The following ANKRD26 variants were observed in gnomAD, a reference collection of about 807,000 sequenced individuals.
ANKRD26 encodes the protein ankyrin repeat domain-containing protein 26.
In ANKRD26, 141 loss-of-function variants were observed where a neutral mutation model predicts 208.7. The ratio of observed to expected loss-of-function variants is 0.68; its 90% confidence interval spans 0.59 to 0.78. ANKRD26 has a LOEUF of 0.78. Among genes scored for constraint, ANKRD26 ranks in the 30% least tolerant of loss-of-function variants. The probability of loss-of-function intolerance (pLI) is 0.00; values close to 1 mark genes in which losing one functional copy is unlikely to be tolerated. For missense variants in ANKRD26, 1,889 were observed against 1,938.7 expected (o/e 0.97, Z 0.48); for synonymous variants, 636 against 660.4 (o/e 0.96, Z 0.57).
chr10:26,983,965 T>C (rs938544037), intron 3 of ANKRD26, among the ~76,000 whole-genome samples: 33 of 152,200 alleles, frequency 2.2e-4, no homozygotes, highest in African/African-American at 7.7e-4. Context: ...ATGGTTGGCA[T>C]ATTCAGCAGG....
At position 27,018,101 on chromosome 10, in the gene ANKRD26, G is replaced by A. The variant is rs566994822; in HGVS notation, c.4216-309C>T. 2.0e-5 allele frequency among the ~76,000 whole-genome samples: 3 copies of A among 146,568 alleles called. No homozygotes were observed. The South Asian group carries it at 6.6e-4, about 32-fold the overall frequency. ...CCTCCTTAAATGGCTCTAAGGGGTA[G>A]CAGAAAGTCTTACTACTTCCCCCAT... On this transcript the variant is annotated intron_variant, in intron 29 of 33. Coordinates refer to ENST00000376087, the MANE Select transcript of ANKRD26 (RefSeq NM_014915.3).
Position 27,060,771 on chromosome 10 carries a change from A to G in ANKRD26, c.1463-231T>C, listed in dbSNP as rs77771171. Among the ~76,000 whole-genome samples the G allele has an allele frequency of 0.081, 12,261 of 152,282 alleles. 579 individuals are homozygous for G. The highest frequency in any genetic ancestry group is 0.13 in the African/African-American group (5,470 of 41,542). On this transcript the variant is annotated intron_variant, in intron 13 of 33. Transcript: ENST00000376087. ...CATGCAGTTATGATTTGAATGTAAG[A>G]TTATGTTCCAAGTGACTATAACTAA... is the stretch of plus-strand genomic sequence containing the variant.
chr10:26,965,275 A>G, the ANKRD26 span, among the ~76,000 whole-genome samples: 1 of 152,190 alleles, frequency 6.6e-6, no homozygotes, highest in Non-Finnish European at 1.5e-5. Context: ...TACTGGTACC[A>G]AAACAGAGAT....
chr10:27,046,483 C>G lies in ANKRD26; in HGVS notation c.1855G>C (p.Glu619Gln). 6.2e-7 allele frequency: 1 copy of G among 1,613,960 alleles called. No individual in the cohort carries two copies. The highest frequency in any genetic ancestry group is 8.5e-7 in the Non-Finnish European group (1 of 1,179,984). ...TCTTTCGAGGTCCGTTTTTCTTTTT[C>G]AGTGCTCTTTACTTCCTTCATTTGC... is the stretch of plus-strand genomic sequence containing the variant. The part of the protein sequence containing the change: ...ALQMKEVKST[E>Q]KEKRTSKESV... The change falls in exon 18 of 34, where the codon GAA (glutamate) becomes CAA (glutamine). Residue 619 changes from glutamate to glutamine, a missense_variant. Physicochemically the swap from Glu to Gln is conservative, Grantham distance 29. Transcript: ENST00000376087.
At chr10:27,021,549 G>A (rs1310416627) in intron 29 of ANKRD26, among the ~76,000 whole-genome samples, 1 of 152,106 alleles carries the variant, frequency 6.6e-6, no homozygotes, top group Non-Finnish European at 1.5e-5. Flanking sequence ...GTGATGTTGA[G>A]CATTTTTTCC....
rs1329900107 is a variant in ANKRD26 at position 27,066,541 on chromosome 10, CAT to C, written c.1213_1214del (p.Met405ValfsTer18). The C allele has an allele frequency of 3.8e-6, 6 of 1,596,898 alleles. No individual in the cohort carries two copies. The African/African-American group carries it at 8.0e-5, about 21-fold the overall frequency. On this transcript the variant is annotated frameshift_variant, in exon 11 of 34. Transcript: ENST00000376087. LOFTEE classifies it high-confidence loss of function. ...EVHKNNRSDM[M>X]SALGLGQEED... ...CCTCTTGTCCTAATCCTAATGCGGA[CAT>C]CATATCTATCAAATGTGATACACAG...
chr10:26,999,972 G>A (rs1003271832), downstream of ANKRD26, among the ~76,000 whole-genome samples: 2 of 152,112 alleles, frequency 1.3e-5, no homozygotes, highest in Admixed American at 1.3e-4. Flanking sequence ...AGTCATTATA[G>A]AGAATTTGCA....
intron 3 of ANKRD26, among the ~76,000 whole-genome samples, chr10:26,986,871 G>T (rs1433693559): frequency 6.6e-6 from 1 of 152,200 alleles, no homozygotes; most frequent in African/African-American, 2.4e-5. Context: ...AGTCAATGTG[G>T]CAATTCCTCA....
intron 27 of ANKRD26, 146 bp downstream of exon 27, chr10:27,028,706 G>T: frequency 1.5e-6 from 1 of 655,906 alleles, no homozygotes; most frequent in East Asian, 2.9e-5. Context: ...ATCTCATTAT[G>T]TATGTACAAA....
chr10:27,061,582 CAG>C lies in ANKRD26; in HGVS notation c.1364-342_1364-341del, dbSNP rs982882738. Among the ~76,000 whole-genome samples, 6 of 116,282 alleles carry C rather than the reference CAG, an allele frequency of 5.2e-5. No individual in the cohort carries two copies. The East Asian group carries it at 1.1e-3, about 21-fold the overall frequency. The allele number at this position is 116,282 out of a possible 152,430, so 76.3% of individuals were successfully genotyped here. A position where few individuals can be genotyped will look rare whatever the true frequency, so the allele number is the denominator to read the frequency against. On this transcript the variant is annotated intron_variant, in intron 12 of 33. Transcript: ENST00000376087. Reference sequence around the variant, plus strand: ...CTATTTTTTTTTTTTTTTTTTGATACAGAGTCTCACTCTGTCACCCGGACTGT... The same window carrying C: ...CTATTTTTTTTTTTTTTTTTTGATACAGTCTCACTCTGTCACCCGGACTGT...
chr10:27,025,725 C>T (rs532547663), intron 27 of ANKRD26, among the ~76,000 whole-genome samples: 29 of 152,210 alleles, frequency 1.9e-4, no homozygotes, highest in African/African-American at 4.8e-4. Flanking sequence ...TGAGTCCTGT[C>T]CCCTTCCATT....
chr10:26,986,247 T>C (rs993761816), intron 3 of ANKRD26, among the ~76,000 whole-genome samples: 4 of 152,140 alleles, frequency 2.6e-5, no homozygotes, highest in African/African-American at 7.2e-5. Flanking sequence ...TGAAACTGGA[T>C]CCCTTCCTTA....
At chr10:27,020,445 C>T (rs1350568124) in intron 29 of ANKRD26, among the ~76,000 whole-genome samples, 1 of 152,150 alleles carries the variant, frequency 6.6e-6, no homozygotes, top group Non-Finnish European at 1.5e-5. Context: ...TTCCCCGCCC[C>T]TTTGCCTGCC....
chr10:26,978,821 G>T (rs1293630170), intron 5 of ANKRD26, among the ~76,000 whole-genome samples: 6 of 152,210 alleles, frequency 3.9e-5, no homozygotes, highest in African/African-American at 1.2e-4. Context: ...TTTTATATCT[G>T]CTTGTCAGAG....
chr10:27,047,606 A>C (rs977627486), intron 17 of ANKRD26, among the ~76,000 whole-genome samples: 1 of 151,926 alleles, frequency 6.6e-6, no homozygotes, highest in African/African-American at 2.4e-5. Context: ...AGGCAACAAA[A>C]GCAAAACTCC....
At chr10:27,022,207 T>C (rs1298057737) in intron 29 of ANKRD26, among the ~76,000 whole-genome samples, 5 of 152,092 alleles carry the variant, frequency 3.3e-5, no homozygotes, top group Non-Finnish European at 5.9e-5. Context: ...AAGTGGGAGC[T>C]AAATGATGAG....
At chr10:26,993,121 C>T (rs1476328715) in intron 5 of ANKRD26, among the ~76,000 whole-genome samples, 1 of 152,098 alleles carries the variant, frequency 6.6e-6, no homozygotes, top group Non-Finnish European at 1.5e-5. Flanking sequence ...GTGATCATAC[C>T]ATTGGAATAC....
chr10:26,962,247 T>G, the ANKRD26 span, among the ~76,000 whole-genome samples: 5 of 151,894 alleles, frequency 3.3e-5, no homozygotes, highest in Non-Finnish European at 7.4e-5. Flanking sequence ...CTGGGCAACA[T>G]AGTGAGATGC....
In ANKRD26 at chr10:27,080,754, C is replaced by T. The variant is rs11015506; in HGVS notation, c.741-1593G>A. 1.0e-5 allele frequency: 10 copies of T among 985,306 alleles called. No homozygotes were observed. The African/African-American group carries it at 1.4e-4, about 14-fold the overall frequency. 61.0% of individuals were successfully genotyped at this position (985,306 alleles called of 1,614,324 possible). A position where few individuals can be genotyped will look rare whatever the true frequency, so the allele number is the denominator to read the frequency against. On this transcript the variant is annotated intron_variant, in intron 6 of 33. Transcript: ENST00000376087. ...GGTCTCAAATGCCCAAGAGTAGAAGCTCTCTATATCTCTGCTCCTGGAAAA... is the reference window on the plus strand; with the variant it reads ...GGTCTCAAATGCCCAAGAGTAGAAGTTCTCTATATCTCTGCTCCTGGAAAA...
Sources: allele counts gnomAD v4.1 joint callset (sites outside exome capture counted in the v4.1 genomes callset), GRCh38; gene constraint gnomAD v4.1.1; transcripts MANE v1.5; gene names NCBI Gene and HGNC (gene_info 2026-07-23, HGNC 2026-07-21).